GRID2: variants seen among roughly 807,000 people sequenced by gnomAD.
The protein encoded by GRID2 is glutamate ionotropic receptor delta type subunit 2, also known as glutamate receptor ionotropic, delta-2.
A neutral mutation model predicts 114.8 loss-of-function variants in GRID2; 33 were observed. That is an observed-to-expected ratio of 0.29 (90% CI 0.22 to 0.38). The LOEUF (loss-of-function observed/expected upper bound fraction) is 0.38. Ranked by LOEUF, GRID2 falls within the 10% of genes least tolerant of loss-of-function variation. GRID2 has a pLI of 1.00. For missense variants in GRID2, 1,184 were observed against 1,257.7 expected (o/e 0.94, Z 0.89); for synonymous variants, 505 against 449.9 (o/e 1.12, Z -1.55).
intron 8 of GRID2, among the ~76,000 whole-genome samples, chr4:93,257,550 C>T (rs1244179896): frequency 1.3e-5 from 2 of 151,504 alleles, no homozygotes; most frequent in African/African-American, 2.4e-5. Context: ...GACATTTAAG[C>T]CTACAAGTAA....
At chr4:92,764,316 G>C (rs909760404) in intron 2 of GRID2, among the ~76,000 whole-genome samples, 3 of 152,088 alleles carry the variant, frequency 2.0e-5, no homozygotes, top group Non-Finnish European at 2.9e-5. Flanking sequence ...TGAACATTTA[G>C]GGAAGCATCC....
chr4:93,702,891 T>C (rs1727634472), intron 14 of GRID2, among the ~76,000 whole-genome samples: 1 of 152,038 alleles, frequency 6.6e-6, no homozygotes, highest in Non-Finnish European at 1.5e-5. Context: ...TTGGGAGAAG[T>C]ACTATGGATA....
chr4:92,520,852 C>T (rs1226103650), intron 1 of GRID2, among the ~76,000 whole-genome samples: 2 of 151,840 alleles, frequency 1.3e-5, no homozygotes, highest in African/African-American at 4.8e-5. Context: ...TAACTAAGAT[C>T]TCTAGGCCAG....
intron 13 of GRID2, among the ~76,000 whole-genome samples, chr4:93,517,775 T>C (rs1729874400): frequency 6.6e-6 from 1 of 151,692 alleles, no homozygotes; most frequent in South Asian, 2.1e-4. Context: ...AGCAGCTTTT[T>C]ATTCTCTGTC....
At chr4:93,075,883 CTTTTTTTTTTTTTTTTTTTTTTTTT>C (rs10706922) in intron 2 of GRID2, among the ~76,000 whole-genome samples, 21 of 76,604 alleles carry the variant, frequency 2.7e-4, no homozygotes, top group Non-Finnish European at 4.8e-4. Flanking sequence ...AGTTACCTCT[CTTTTTTTTTTTTTTTTTTTTTTTTT>C]TTTTTTTTTT....
Position 93,066,647 on chromosome 4 carries a change from A to C in GRID2, c.245-18348A>C, listed in dbSNP as rs577254236. On this transcript the variant is annotated intron_variant, in intron 2 of 15. Transcript: ENST00000282020. The stretch of plus-strand genomic sequence containing the variant: ...TTCAGAATTATGTAGAAATATTTTT[A>C]TCTTATAATAAGATAAAATACTTTT... Among the ~76,000 whole-genome samples, 7 of 152,070 alleles carry C rather than the reference A, an allele frequency of 4.6e-5. No individual in the cohort carries two copies. The South Asian group carries it at 1.4e-3, about 31-fold the overall frequency.
intron 1 of GRID2, among the ~76,000 whole-genome samples, chr4:93,805,695 C>T (rs953114676): frequency 3.9e-5 from 6 of 152,212 alleles, no homozygotes; most frequent in African/African-American, 9.6e-5. Flanking sequence ...TTTGTGTCCA[C>T]ATTCAGGGTT....
chr4:92,375,837 A>AT (rs1207290061), intron 1 of GRID2, among the ~76,000 whole-genome samples: 1 of 152,214 alleles, frequency 6.6e-6, no homozygotes, highest in African/African-American at 2.4e-5. Context: ...CCTGATGAAT[A>AT]TGCAATTTAA....
chr4:92,587,216 T>A (rs17019672), intron 1 of GRID2, among the ~76,000 whole-genome samples: 57,307 of 151,102 alleles, frequency 0.38, 10,844 homozygotes, highest in Middle Eastern at 0.46. Flanking sequence ...TAAAACTGAG[T>A]GTAAAATCAT....
At chr4:92,740,999 C>G (rs552731356) in intron 2 of GRID2, among the ~76,000 whole-genome samples, 2 of 152,100 alleles carry the variant, frequency 1.3e-5, no homozygotes, top group Non-Finnish European at 2.9e-5. Flanking sequence ...GGTGATCCAC[C>G]TCCCAAAATA....
intron 5 of GRID2, among the ~76,000 whole-genome samples, chr4:93,212,661 T>C (rs1047461553): frequency 3.9e-5 from 6 of 152,096 alleles, no homozygotes; most frequent in African/African-American, 1.2e-4. Context: ...CTTTGTTGTC[T>C]TGATTGACTT....
At chr4:92,682,900 A>G (rs1213976418) in intron 2 of GRID2, among the ~76,000 whole-genome samples, 2 of 152,132 alleles carry the variant, frequency 1.3e-5, no homozygotes, top group African/African-American at 2.4e-5. Context: ...TTAGGCCACT[A>G]TTAATTGTGG....
intron 1 of GRID2, among the ~76,000 whole-genome samples, chr4:92,498,951 TAGA>T (rs1723536157): frequency 2.0e-5 from 3 of 147,020 alleles, no homozygotes; most frequent in Admixed American, 6.8e-5. Flanking sequence ...AAAAACAAGT[TAGA>T]AGAACTGTGA....
intron 10 of GRID2, among the ~76,000 whole-genome samples, chr4:93,441,247 A>C (rs1188166559): frequency 6.6e-6 from 1 of 151,972 alleles, no homozygotes; most frequent in Non-Finnish European, 1.5e-5. Context: ...GATTTGGGTG[A>C]GGATACTATA....
intron 2 of GRID2, among the ~76,000 whole-genome samples, chr4:92,984,603 TTCC>T (rs1056737507): frequency 6.6e-6 from 1 of 152,178 alleles, no homozygotes; most frequent in African/African-American, 2.4e-5. Flanking sequence ...GATGACCATT[TTCC>T]TCATTTCGAG....
intron 1 of GRID2, among the ~76,000 whole-genome samples, chr4:92,407,274 A>G (rs1396328723): frequency 6.6e-6 from 1 of 152,188 alleles, no homozygotes; most frequent in Non-Finnish European, 1.5e-5. Context: ...GCCAAATAAT[A>G]TCACTACATA....
At chr4:93,111,567 G>T (rs930659107) in intron 4 of GRID2, among the ~76,000 whole-genome samples, 1 of 152,000 alleles carries the variant, frequency 6.6e-6, no homozygotes, top group African/African-American at 2.4e-5. Context: ...CTAGTGATAG[G>T]TATAACATCT....
At chr4:92,643,605 A>G (rs2149255553) in intron 2 of GRID2, among the ~76,000 whole-genome samples, 1 of 151,916 alleles carries the variant, frequency 6.6e-6, no homozygotes, top group South Asian at 2.1e-4. Flanking sequence ...AAAATGAAAT[A>G]TCTATGAATA....
intron 2 of GRID2, among the ~76,000 whole-genome samples, chr4:93,022,275 T>C (rs1723444608): frequency 6.6e-6 from 1 of 151,946 alleles, no homozygotes; most frequent in South Asian, 2.1e-4. Context: ...TGTGGGCATA[T>C]ATAATGAGGG....
Sources: gnomAD v4.1 joint callset for allele counts (sites outside exome capture counted in the v4.1 genomes callset) on GRCh38, gnomAD v4.1.1 for gene constraint, MANE v1.5 for transcripts, NCBI Gene and HGNC (gene_info 2026-07-23, HGNC 2026-07-21) for gene names.